TP73: variants seen among roughly 807,000 people sequenced by gnomAD.
The protein encoded by TP73 is p53-like transcription factor.
A neutral mutation model predicts 62.5 loss-of-function variants in TP73; 25 were observed. That is an observed-to-expected ratio of 0.40 (90% CI 0.29 to 0.56). TP73 has a LOEUF of 0.56. Among genes scored for constraint, TP73 ranks in the 20% least tolerant of loss-of-function variants. The pLI, the probability that TP73 is intolerant of heterozygous loss-of-function variation, is 0.46. For missense variants in TP73, 754 were observed against 913.3 expected (o/e 0.83, Z 2.25); for synonymous variants, 423 against 377.5 (o/e 1.12, Z -1.40).
At position 3,735,817 on chromosome 1, in the gene TP73, C is replaced by G. The variant is rs937088629; in HGVS notation, c.*2738C>G. ...TCAGCTCACATCTGTCCAAGTCGCT[C>G]TGGTCAGAAACAGCGACTCTCCCCC... is the stretch of plus-strand genomic sequence containing the variant. On this transcript the variant is annotated 3_prime_UTR_variant, in exon 14 of 14. Coordinates refer to ENST00000378295, the MANE Select transcript of TP73 (RefSeq NM_005427.4). 1 of 152,128 alleles carries G rather than the reference C, an allele frequency of 6.6e-6. No individual in the cohort carries two copies. The highest frequency in any genetic ancestry group is 1.5e-5 in the Non-Finnish European group (1 of 68,026). The allele number at this position is 152,128 out of a possible 1,614,324, so 9.4% of individuals were successfully genotyped here.
chr1:3,703,401 G>T (rs779708505), intron 3 of TP73, among the ~76,000 whole-genome samples: 10 of 152,182 alleles, frequency 6.6e-5, no homozygotes, highest in Non-Finnish European at 8.8e-5. Flanking sequence ...GCCCTGCTAA[G>T]GGAGCCTGCC....
At chr1:3,695,291 G>A (rs1036262191) in intron 3 of TP73, among the ~76,000 whole-genome samples, 8 of 152,228 alleles carry the variant, frequency 5.3e-5, no homozygotes, top group Non-Finnish European at 1.0e-4. Flanking sequence ...CAAATGTCCA[G>A]TTCATGGCCC....
chr1:3,729,652 G>A (rs771980079), intron 10 of TP73: 2 of 925,152 alleles, frequency 2.2e-6, no homozygotes, highest in Middle Eastern at 2.1e-4. Context: ...CTGGGTCATG[G>A]CCCTTGCTAT....
chr1:3,723,707 C>T (rs931872639), intron 6 of TP73, among the ~76,000 whole-genome samples: 4 of 152,228 alleles, frequency 2.6e-5, no homozygotes, highest in South Asian at 2.1e-4. Context: ...CGGGCACTCT[C>T]GGGGCCTCAG....
At position 3,699,769 on chromosome 1, in the gene TP73, C is replaced by T. The variant is rs568791546; in HGVS notation, c.187-7780C>T. On this transcript the variant is annotated intron_variant, in intron 3 of 13. Coordinates refer to ENST00000378295, the MANE Select transcript of TP73 (RefSeq NM_005427.4). The surrounding 1 kb of genome is among the most constrained non-coding windows in gnomAD (Gnocchi z 4.1). ...GCAGGAGCTGGAGAGGTGACAGGAG[C>T]GAGGGAGGCGGAGGTGGAGCTGGGG... 1.3e-5 allele frequency among the ~76,000 whole-genome samples: 2 copies of T among 152,136 alleles called. No homozygotes were observed. Among genetic ancestry groups the T allele is most frequent in the Non-Finnish European group, 2.9e-5 (2 of 67,964 alleles).
intron 1 of TP73, among the ~76,000 whole-genome samples, chr1:3,671,567 G>A (rs979538353): frequency 5.3e-5 from 8 of 152,206 alleles, no homozygotes; most frequent in African/African-American, 1.9e-4. Context: ...TCCAGAGGAC[G>A]GGCTGCCTGG....
rs373294366 is a variant in TP73, at chr1:3,694,776, T to C, written c.186+11596T>C. 4.0e-3 allele frequency among the ~76,000 whole-genome samples: 373 copies of C among 93,148 alleles called. 9 individuals carry two copies. Among genetic ancestry groups the C allele is most frequent in the African/African-American group, 0.018 (299 of 16,834 alleles). 61.1% of individuals were successfully genotyped at this position (93,148 alleles called of 152,430 possible). A position where few individuals can be genotyped will look rare whatever the true frequency, so the allele number is the denominator to read the frequency against. On this transcript the variant is annotated intron_variant, in intron 3 of 13. Coordinates refer to ENST00000378295, the MANE Select transcript of TP73 (RefSeq NM_005427.4). ...GCCATGCAGCCTCAGCCCCTCCTCC[T>C]GCAATCCCAGCCATGCAGCCTCAGA...
At chr1:3,656,223 A>G (rs1206666168) in intron 1 of TP73, among the ~76,000 whole-genome samples, 7 of 151,896 alleles carry the variant, frequency 4.6e-5, no homozygotes. Context: ...TGAGTGTAAG[A>G]CAGCTTATAC....
At position 3,735,582 on chromosome 1, in the gene TP73, G is replaced by A. The variant is rs866065332; in HGVS notation, c.*2503G>A. 1.3e-5 allele frequency: 2 copies of A among 152,246 alleles called. No individual in the cohort carries two copies. The highest frequency in any genetic ancestry group is 4.8e-5 in the African/African-American group (2 of 41,450). The allele number at this position is 152,246 out of a possible 1,614,324, so 9.4% of individuals were successfully genotyped here. On this transcript the variant is annotated 3_prime_UTR_variant, in exon 14 of 14. Transcript: ENST00000378295. ...AGAGTTGAGACTTCGCCGTGGTCAGGAGAAAATGCAAATTCCCAGGAACAA... is the reference window on the plus strand; with the variant it reads ...AGAGTTGAGACTTCGCCGTGGTCAGAAGAAAATGCAAATTCCCAGGAACAA...
chr1:3,660,643 C>T lies in TP73; in HGVS notation c.-34+8002C>T, dbSNP rs115198710. ...GAATGCTGTAAGTTATAAATAGTTT[C>T]TTCATTTACATTCTGGAAATTCTTG... On this transcript the variant is annotated intron_variant, in intron 1 of 13. Coordinates refer to ENST00000378295, the MANE Select transcript of TP73 (RefSeq NM_005427.4). 3.9e-3 allele frequency among the ~76,000 whole-genome samples: 601 copies of T among 152,312 alleles called. 5 individuals are homozygous for T. The highest frequency in any genetic ancestry group is 0.013 in the African/African-American group (553 of 41,556).
intron 4 of TP73, among the ~76,000 whole-genome samples, chr1:3,708,691 A>C (rs1639878494): frequency 6.6e-6 from 1 of 152,186 alleles, no homozygotes; most frequent in South Asian, 2.1e-4. Flanking sequence ...GCATGACCCC[A>C]GCCAGGAGTG....
chr1:3,733,292 C>T lies in TP73; in HGVS notation c.*213C>T. On this transcript the variant is annotated 3_prime_UTR_variant, in exon 14 of 14. Transcript: ENST00000378295. ...GGACAGCCTGAGTCACCTGCAGAAC[C>T]TTCTGGAGCTGCCCTAGTGCTGGGC... is the stretch of plus-strand genomic sequence containing the variant. The T allele has an allele frequency of 3.2e-6, 2 of 623,064 alleles. No homozygotes were observed. Among genetic ancestry groups the T allele is most frequent in the South Asian group, 4.0e-5 (2 of 49,534 alleles). The allele number at this position is 623,064 out of a possible 1,614,324, so 38.6% of individuals were successfully genotyped here.
At chr1:3,673,924 C>T (rs928608677) in intron 1 of TP73, among the ~76,000 whole-genome samples, 2 of 152,166 alleles carry the variant, frequency 1.3e-5, no homozygotes, top group Non-Finnish European at 2.9e-5. Flanking sequence ...CCGTGCCTCC[C>T]TTGCTCAGCT....
chr1:3,708,835 CAT>C (rs1259047766), intron 4 of TP73, among the ~76,000 whole-genome samples: 1 of 152,214 alleles, frequency 6.6e-6, no homozygotes, highest in African/African-American at 2.4e-5. Flanking sequence ...CTATGGGACA[CAT>C]GTTGGTCCGG....
Position 3,662,568 on chromosome 1 carries a change from G to A in TP73, c.-34+9927G>A, listed in dbSNP as rs1024702627. Among the ~76,000 whole-genome samples, 1 of 152,222 alleles carries A rather than the reference G, an allele frequency of 6.6e-6. No homozygotes were observed. The highest frequency in any genetic ancestry group is 1.5e-5 in the Non-Finnish European group (1 of 68,040). On this transcript the variant is annotated intron_variant, in intron 1 of 13. Transcript: ENST00000378295. This position sits in a 1 kb window ranked among gnomAD's most constrained non-coding sequence, Gnocchi z 4.4. Reference sequence around the variant, plus strand: ...CCCGGCATAGAGACCTTTACGAATGGAAATGTCTTTCATTTCTCTCCCAGA... The same window carrying A: ...CCCGGCATAGAGACCTTTACGAATGAAAATGTCTTTCATTTCTCTCCCAGA...
rs778557179 is a variant in TP73 at position 3,683,101 on chromosome 1, G to C, written c.107G>C (p.Arg36Pro). 3 of 1,612,304 alleles carry C rather than the reference G, an allele frequency of 1.9e-6. No individual in the cohort carries two copies. The highest frequency in any genetic ancestry group is 2.5e-6 in the Non-Finnish European group (3 of 1,178,778). ...STYFDLPQSS[R>P]GNNEVVGGTD... ...TACTTCGACCTTCCCCAGTCAAGCC[G>C]GGGGAATAATGAGGTGGTGGGCGGA... The change falls in exon 3 of 14, where the codon CGG becomes CCG. Residue 36 changes from arginine to proline, a missense_variant. Physicochemically the swap from Arg to Pro is moderately radical, Grantham distance 103. Around this residue, in one of 3 missense-constraint regions of TP73, gnomAD observed 235 missense variants for 251.4 expected, o/e 0.93. Coordinates refer to ENST00000378295, the MANE Select transcript of TP73 (RefSeq NM_005427.4).
intron 3 of TP73, among the ~76,000 whole-genome samples, chr1:3,704,438 G>A (rs1362282504): frequency 1.3e-5 from 2 of 152,116 alleles, no homozygotes; most frequent in African/African-American, 2.4e-5. Context: ...CAGGGTCCTC[G>A]TGGGTTCACA....
chr1:3,667,777 G>C (rs1645154359), intron 1 of TP73, among the ~76,000 whole-genome samples: 1 of 151,544 alleles, frequency 6.6e-6, no homozygotes, highest in Non-Finnish European at 1.5e-5. Flanking sequence ...AAGAAAAAAA[G>C]TAAAAAAGAA....
intron 3 of TP73, among the ~76,000 whole-genome samples, chr1:3,684,421 C>G (rs1051584145): frequency 6.6e-6 from 1 of 152,328 alleles, no homozygotes; most frequent in South Asian, 2.1e-4. Flanking sequence ...CCCTCCTCCT[C>G]CCTCAAGTCC....
Sources: allele counts gnomAD v4.1 joint callset (sites outside exome capture counted in the v4.1 genomes callset), GRCh38; gene constraint gnomAD v4.1.1; regional missense constraint gnomAD v4.1.1; non-coding constraint Gnocchi (gnomAD v3.1); transcripts MANE v1.5; gene names NCBI Gene and HGNC (gene_info 2026-07-23, HGNC 2026-07-21).